The following RNF38 variants were observed in gnomAD, a reference collection of about 807,000 sequenced individuals.
RNF38 encodes the protein ring finger protein 38, also known as E3 ubiquitin-protein ligase RNF38.
In RNF38, 15 loss-of-function variants were observed where a neutral mutation model predicts 67.2. The observed-to-expected ratio is 0.22, with a 90% confidence interval of 0.15 to 0.34. The LOEUF (loss-of-function observed/expected upper bound fraction) is 0.34. Among genes scored for constraint, RNF38 ranks in the 10% least tolerant of loss-of-function variants. The pLI, the probability that RNF38 is intolerant of heterozygous loss-of-function variation, is 1.00. For synonymous variants in RNF38, 220 were observed against 218.8 expected, an observed-to-expected ratio of 1.01 and a Z score of -0.05; for missense variants, 524 against 639.9, an observed-to-expected ratio of 0.82 and a Z score of 1.95.
chr9:36,341,775 A>G (rs945967794), intron 11 of RNF38, among the ~76,000 whole-genome samples: 4 of 34,846 alleles, frequency 1.1e-4, no homozygotes, highest in African/African-American at 3.3e-4. Flanking sequence ...TGGGTGACAC[A>G]CTGAGACCCT....
intron 3 of RNF38, among the ~76,000 whole-genome samples, chr9:36,375,387 T>C (rs1835713690): frequency 6.6e-6 from 1 of 152,140 alleles, no homozygotes; most frequent in African/African-American, 2.4e-5. Flanking sequence ...AGACAGGGTC[T>C]TGCTATGTTG....
At chr9:36,454,943 C>G (rs545178751) in intron 1 of RNF38, among the ~76,000 whole-genome samples, 41 of 152,316 alleles carry the variant, frequency 2.7e-4, no homozygotes, top group Non-Finnish European at 5.0e-4. Flanking sequence ...TTAACAAAAA[C>G]TGTGTTGTAT....
intron 1 of RNF38, among the ~76,000 whole-genome samples, chr9:36,436,090 C>T (rs568079097): frequency 3.9e-5 from 6 of 152,254 alleles, no homozygotes; most frequent in Non-Finnish European, 8.8e-5. Flanking sequence ...GCTACAGGCA[C>T]TTAATATTAA....
chr9:36,463,941 G>A (rs1453874417), intron 1 of RNF38, among the ~76,000 whole-genome samples: 5 of 152,116 alleles, frequency 3.3e-5, no homozygotes, highest in African/African-American at 1.2e-4. Flanking sequence ...GCCGAGGCGG[G>A]CGGATCACGA....
At chr9:36,416,356 C>T (rs1051057782) in intron 2 of RNF38, among the ~76,000 whole-genome samples, 1 of 152,128 alleles carries the variant, frequency 6.6e-6, no homozygotes, top group African/African-American at 2.4e-5. Context: ...TCCTCCACAA[C>T]CAGCAAGGCC....
chr9:36,388,561 T>A (rs552518107), intron 2 of RNF38, among the ~76,000 whole-genome samples: 1 of 152,130 alleles, frequency 6.6e-6, no homozygotes, highest in Non-Finnish European at 1.5e-5. Flanking sequence ...ATCCAGGAAG[T>A]GTAGCAACAC....
intron 2 of RNF38, among the ~76,000 whole-genome samples, chr9:36,411,352 A>G (rs1381880281): frequency 6.6e-6 from 1 of 152,230 alleles, no homozygotes; most frequent in Non-Finnish European, 1.5e-5. Flanking sequence ...TATGAAAAAC[A>G]GTATGGCAGT....
chr9:36,347,233 C>T (rs1340168389), intron 9 of RNF38, among the ~76,000 whole-genome samples: 1 of 147,414 alleles, frequency 6.8e-6, no homozygotes, highest in Non-Finnish European at 1.5e-5. Flanking sequence ...TCTTTTATAT[C>T]TCTTAGTACA....
At chr9:36,463,134 A>G (rs1229675692) in intron 1 of RNF38, among the ~76,000 whole-genome samples, 2 of 152,122 alleles carry the variant, frequency 1.3e-5, no homozygotes, top group Non-Finnish European at 2.9e-5. Flanking sequence ...TTTTCTTCTT[A>G]CCACTTATCA....
intron 1 of RNF38, among the ~76,000 whole-genome samples, chr9:36,483,761 T>TG (rs1840336232): frequency 6.6e-6 from 1 of 152,186 alleles, no homozygotes; most frequent in Non-Finnish European, 1.5e-5. Context: ...TGTTTACCTT[T>TG]GGGGGTTTTA....
chr9:36,473,091 C>A (rs1043256831), intron 1 of RNF38, among the ~76,000 whole-genome samples: 7 of 151,734 alleles, frequency 4.6e-5, no homozygotes, highest in Non-Finnish European at 7.4e-5. Flanking sequence ...AAGATCACGC[C>A]ATTGCACTCC....
intron 1 of RNF38, among the ~76,000 whole-genome samples, chr9:36,397,314 A>G (rs543175532): frequency 1.9e-4 from 29 of 152,226 alleles, no homozygotes; most frequent in African/African-American, 6.5e-4. Flanking sequence ...GGATTTCATC[A>G]TATTATTCAG....
At chr9:36,386,995 G>A (rs1455565377) in intron 2 of RNF38, among the ~76,000 whole-genome samples, 2 of 152,142 alleles carry the variant, frequency 1.3e-5, no homozygotes, top group African/African-American at 4.8e-5. Context: ...TAGAGACGGG[G>A]TTTCCCCATG....
At chr9:36,425,300 G>C (rs1587114933) in intron 1 of RNF38, among the ~76,000 whole-genome samples, 1 of 152,020 alleles carries the variant, frequency 6.6e-6, no homozygotes, top group Admixed American at 6.6e-5. Context: ...TTTAAAAAAA[G>C]TTTTGGTTTG....
chr9:36,401,884 T>C (rs950809096), upstream of RNF38, among the ~76,000 whole-genome samples: 3 of 152,182 alleles, frequency 2.0e-5, no homozygotes, highest in Non-Finnish European at 4.4e-5. Context: ...TCTAGTTCTT[T>C]TGGCATTACT....
intron 2 of RNF38, among the ~76,000 whole-genome samples, chr9:36,421,092 C>T (rs1838612943): frequency 6.6e-6 from 1 of 152,174 alleles, no homozygotes; most frequent in Non-Finnish European, 1.5e-5. Context: ...CCCAGTCACA[C>T]ATGGATTAGT....
At chr9:36,458,722 C>G (rs1206747009) in intron 1 of RNF38, among the ~76,000 whole-genome samples, 1 of 152,206 alleles carries the variant, frequency 6.6e-6, no homozygotes, top group African/African-American at 2.4e-5. Context: ...TTGTAACACT[C>G]ACCGCGAGGG....
chr9:36,346,110 T>C (rs1406962569), intron 9 of RNF38, among the ~76,000 whole-genome samples: 2 of 152,214 alleles, frequency 1.3e-5, no homozygotes, highest in Non-Finnish European at 1.5e-5. Flanking sequence ...ATAATTTAGG[T>C]AGAATAGGAT....
intron 2 of RNF38, among the ~76,000 whole-genome samples, chr9:36,386,149 C>T (rs1040603477): frequency 2.6e-5 from 4 of 152,196 alleles, no homozygotes; most frequent in African/African-American, 9.7e-5. Flanking sequence ...AATTCACGGT[C>T]TGAAACCAGA....
Sources: gnomAD v4.1 joint callset for allele counts (sites outside exome capture counted in the v4.1 genomes callset) on GRCh38, gnomAD v4.1.1 for gene constraint, MANE v1.5 for transcripts, NCBI Gene and HGNC (gene_info 2026-07-23, HGNC 2026-07-21) for gene names.